The following CTTNBP2 variants were observed in gnomAD, a reference collection of about 807,000 sequenced individuals.
The protein encoded by CTTNBP2 is cortactin-binding protein 2.
Under a neutral mutation model 156.9 loss-of-function variants are expected in CTTNBP2, and 108 were observed. That is an observed-to-expected ratio of 0.69 (90% confidence interval 0.59 to 0.81). The LOEUF (loss-of-function observed/expected upper bound fraction) is 0.81, where lower values mean the gene tolerates loss of function less well. Ranked by LOEUF, CTTNBP2 falls within the 30% of genes least tolerant of loss-of-function variation. The pLI is 0.00. For missense variants in CTTNBP2, 1,924 were observed against 2,035.4 expected, an observed-to-expected ratio of 0.95 and a Z score of 1.05; for synonymous variants, 767 against 751.8, an observed-to-expected ratio of 1.02 and a Z score of -0.33.
chr7:117,844,084 A>C (rs931849937), intron 2 of CTTNBP2, among the ~76,000 whole-genome samples: 10 of 152,280 alleles, frequency 6.6e-5, no homozygotes, highest in Non-Finnish European at 1.3e-4. Flanking sequence ...TAGACACTGC[A>C]GGAGGGAAAG....
chr7:117,785,269 A>C (rs558212027), intron 4 of CTTNBP2, among the ~76,000 whole-genome samples: 1 of 152,214 alleles, frequency 6.6e-6, no homozygotes, highest in Non-Finnish European at 1.5e-5. Context: ...GCTTTAGAAG[A>C]GAGTCTGTTA....
chr7:117,847,257 C>T (rs892245026), intron 2 of CTTNBP2, among the ~76,000 whole-genome samples: 43 of 152,058 alleles, frequency 2.8e-4, no homozygotes, highest in Admixed American at 2.6e-3. Flanking sequence ...AAAACTAGGC[C>T]GGGTGTGGTA....
chr7:117,810,754 C>T lies in CTTNBP2; in HGVS notation c.414+11G>A, dbSNP rs148023863. 74 of 1,608,770 alleles carry T rather than the reference C, an allele frequency of 4.6e-5. No individual in the cohort carries two copies. In the East Asian group the frequency reaches 7.8e-4, roughly 17 times the overall value. ...GTTGTGGGGAAAATGACCATTTGAACGCCTCAATACCTTCTTTTGTCTGCT... is the reference window on the plus strand; with the variant it reads ...GTTGTGGGGAAAATGACCATTTGAATGCCTCAATACCTTCTTTTGTCTGCT... On this transcript the variant is annotated intron_variant, in intron 3 of 22. Transcript: ENST00000160373.
chr7:117,817,361 A>AAAAAAAAG (rs1554437688), intron 2 of CTTNBP2, among the ~76,000 whole-genome samples: 1 of 53,286 alleles, frequency 1.9e-5, no homozygotes, highest in Non-Finnish European at 3.4e-5. Flanking sequence ...AAAAAAAAAA[A>AAAAAAAAG]ATATATATAT....
In CTTNBP2 at chr7:117,753,403, C is replaced by T. The variant is rs187679377; in HGVS notation, c.3348+3152G>A. On this transcript the variant is annotated intron_variant, in intron 12 of 22. Coordinates refer to ENST00000160373, the MANE Select transcript of CTTNBP2 (RefSeq NM_033427.3). ...ATTTGACCCAGCAATCCCATTACTG[C>T]GTATACACCCAAAGGAATATAAATC... is the stretch of plus-strand genomic sequence containing the variant. Among the ~76,000 whole-genome samples, 103 of 152,194 alleles carry T rather than the reference C, an allele frequency of 6.8e-4. No homozygotes were observed. In the East Asian group the frequency reaches 9.9e-3, roughly 15 times the overall value.
Position 117,792,118 on chromosome 7 carries a change from C to A in CTTNBP2, c.1078G>T (p.Ala360Ser). The change falls in exon 4 of 23, where the codon GCT (alanine) becomes TCT (serine). Residue 360 changes from alanine (A) to serine (S), a missense_variant. By Grantham distance (99) the Ala-to-Ser change is moderately conservative (BLOSUM62 1). Coordinates refer to ENST00000160373, the MANE Select transcript of CTTNBP2 (RefSeq NM_033427.3). The surrounding 1 kb of genome is among the most constrained non-coding windows in gnomAD (Gnocchi z 4.2). ...GCGCCAATCAAGTCACCATAGGAAGCCTGCCTGTCAATACCTGGTCTGGCC... is the reference window on the plus strand; with the variant it reads ...GCGCCAATCAAGTCACCATAGGAAGACTGCCTGTCAATACCTGGTCTGGCC... ...TMARPGIDRQ[A>S]SYGDLIGASV... 1 of 1,614,104 alleles carries A rather than the reference C, an allele frequency of 6.2e-7. No individual in the cohort carries two copies.
At chr7:117,728,039 T>G (rs750342046) in intron 17 of CTTNBP2, 50 bp downstream of exon 17, 1 of 1,527,552 alleles carries the variant, frequency 6.5e-7, no homozygotes, top group Non-Finnish European at 8.9e-7. Context: ...AACATCTGAA[T>G]TGGCCACGTC....
intron 7 of CTTNBP2, 23 bp downstream of exon 7, chr7:117,780,418 G>GA: frequency 4.1e-6 from 6 of 1,468,382 alleles, no homozygotes; most frequent in Admixed American, 2.5e-5. Flanking sequence ...TATACAGGGG[G>GA]AAAAAAACAG....
chr7:117,719,757 A>G (rs375775074), intron 20 of CTTNBP2, 121 bp from the exon 21 acceptor site: 3 of 681,694 alleles, frequency 4.4e-6, no homozygotes, highest in African/African-American at 1.8e-5. Flanking sequence ...AATAGCCTTT[A>G]AAGTATTTCA....
At chr7:117,858,218 A>G (rs879631293) in intron 2 of CTTNBP2, among the ~76,000 whole-genome samples, 37 of 152,122 alleles carry the variant, frequency 2.4e-4, no homozygotes, top group Admixed American at 7.9e-4. Context: ...AAAATACAAA[A>G]AATTAGCCGG....
At chr7:117,805,555 T>C (rs980802335) in intron 3 of CTTNBP2, among the ~76,000 whole-genome samples, 2 of 152,178 alleles carry the variant, frequency 1.3e-5, no homozygotes, top group South Asian at 4.2e-4. Context: ...AATGAGTTGA[T>C]TTAATAGGAC....
At chr7:117,861,383 G>C in intron 1 of CTTNBP2, 67 bp from the exon 2 acceptor site, 1 of 1,080,456 alleles carries the variant, frequency 9.3e-7, no homozygotes, top group East Asian at 2.6e-5. Context: ...CATCCTAAGG[G>C]TATGCAATGA....
intron 2 of CTTNBP2, among the ~76,000 whole-genome samples, chr7:117,854,178 G>A (rs1263985721): frequency 6.6e-6 from 1 of 152,120 alleles, no homozygotes; most frequent in Non-Finnish European, 1.5e-5. Flanking sequence ...TCAACAGACA[G>A]GAAAGGAAAC....
rs1263453251 is a variant in CTTNBP2 at position 117,735,200 on chromosome 7, T to G, written c.3688+69A>C. The G allele has an allele frequency of 2.6e-5, 42 of 1,590,974 alleles. 1 individual carries two copies. In the East Asian group the frequency reaches 9.4e-4, roughly 36 times the overall value. ...AAAGAACATGAAGTATAACTGGTACTCTGGGAAACAGAAAGATTAGAATAT... is the reference window on the plus strand; with the variant it reads ...AAAGAACATGAAGTATAACTGGTACGCTGGGAAACAGAAAGATTAGAATAT... On this transcript the variant is annotated intron_variant, in intron 15 of 22. Transcript: ENST00000160373.
chr7:117,765,680 C>T (rs977824808), intron 9 of CTTNBP2, among the ~76,000 whole-genome samples: 2 of 152,126 alleles, frequency 1.3e-5, no homozygotes, highest in Non-Finnish European at 2.9e-5. Context: ...TCATTATATA[C>T]CATTTCCCTC....
chr7:117,711,388 C>A lies in CTTNBP2; in HGVS notation c.*149G>T. 3 of 842,372 alleles carry A rather than the reference C, an allele frequency of 3.6e-6. No individual in the cohort carries two copies. Among genetic ancestry groups the A allele is most frequent in the South Asian group, 2.6e-5 (1 of 38,500 alleles). 52.2% of individuals were successfully genotyped at this position (842,372 alleles called of 1,614,324 possible). ...ACAAAATGTTGGTTATAAATACATT[C>A]TTTACAAAAAAAAATTGAATAGTGG... On this transcript the variant is annotated 3_prime_UTR_variant, in exon 23 of 23. Transcript: ENST00000160373.
chr7:117,750,112 G>C (rs982049191), intron 12 of CTTNBP2, among the ~76,000 whole-genome samples: 8 of 152,086 alleles, frequency 5.3e-5, no homozygotes, highest in African/African-American at 1.9e-4. Flanking sequence ...AGATTTTCAA[G>C]ATTTACCCCA....
rs536010752 is a variant in CTTNBP2 at position 117,845,848 on chromosome 7, A to AT, written c.189+15360dup. On this transcript the variant is annotated intron_variant, in intron 2 of 22. Coordinates refer to ENST00000160373, the MANE Select transcript of CTTNBP2 (RefSeq NM_033427.3). ...ACTGCTACCTGTGTGGTTTCTGTTA[A>AT]TTTTTTTTTCTTTTTTTTTTGAGAT... 7.3e-5 allele frequency among the ~76,000 whole-genome samples: 11 copies of AT among 150,650 alleles called. No homozygotes were observed. In the East Asian group the frequency reaches 9.8e-4, roughly 13 times the overall value.
chr7:117,724,917 A>T (rs1795005104), intron 18 of CTTNBP2, 135 bp downstream of exon 18: 1 of 1,052,828 alleles, frequency 9.5e-7, no homozygotes, highest in Non-Finnish European at 1.4e-6. Context: ...CAGTAATTAA[A>T]ATCACAGTTC....
Sources: allele counts gnomAD v4.1 joint callset (sites outside exome capture counted in the v4.1 genomes callset), GRCh38; gene constraint gnomAD v4.1.1; non-coding constraint Gnocchi (gnomAD v3.1); transcripts MANE v1.5; gene names NCBI Gene and HGNC (gene_info 2026-07-23, HGNC 2026-07-21).